The following NBAS variants were observed in gnomAD, a reference collection of about 807,000 sequenced individuals.
The protein encoded by NBAS is NBAS subunit of NRZ tethering complex.
Under a neutral mutation model 302.5 loss-of-function variants are expected in NBAS, and 219 were observed. The observed-to-expected ratio is 0.72, with a 90% CI of 0.65 to 0.81. NBAS has a LOEUF of 0.81. Ranked by LOEUF, NBAS falls within the 30% of genes least tolerant of loss-of-function variation. NBAS has a pLI of 0.00. For synonymous variants in NBAS, 1,118 were observed against 1,021.6 expected, an observed-to-expected ratio of 1.09 and a Z score of -1.80; for missense variants, 2,932 against 2,841.6, an observed-to-expected ratio of 1.03 and a Z score of -0.72.
At chr2:15,452,692 C>A (rs1298938114) in intron 21 of NBAS, among the ~76,000 whole-genome samples, 1 of 151,688 alleles carries the variant, frequency 6.6e-6, no homozygotes, top group African/African-American at 2.4e-5. Context: ...TATGAATGCA[C>A]AAAAAATGTA....
intron 38 of NBAS, among the ~76,000 whole-genome samples, chr2:15,320,348 T>C (rs1273835536): frequency 1.3e-5 from 2 of 152,168 alleles, no homozygotes; most frequent in African/African-American, 4.8e-5. Context: ...AAGACAAGGA[T>C]GCCCTCTCTC....
chr2:15,309,658 C>A (rs948663668), intron 38 of NBAS, among the ~76,000 whole-genome samples: 7 of 152,100 alleles, frequency 4.6e-5, no homozygotes, highest in Non-Finnish European at 1.0e-4. Flanking sequence ...TTTAGGAGTG[C>A]AAATTTAGAG....
the NBAS span, among the ~76,000 whole-genome samples, chr2:14,949,064 T>C: frequency 2.6e-5 from 4 of 152,128 alleles, no homozygotes; most frequent in Non-Finnish European, 5.9e-5. Flanking sequence ...ACTAGACCCC[T>C]ATAACTTGCC....
At chr2:15,524,239 C>T (rs888562137) in intron 9 of NBAS, among the ~76,000 whole-genome samples, 3 of 152,142 alleles carry the variant, frequency 2.0e-5, no homozygotes, top group Non-Finnish European at 4.4e-5. Context: ...TCGGGAGACA[C>T]GTGGTGAATG....
the NBAS span, among the ~76,000 whole-genome samples, chr2:14,863,080 C>T: frequency 6.6e-6 from 1 of 152,236 alleles, no homozygotes; most frequent in African/African-American, 2.4e-5. Context: ...ACATTGTCCT[C>T]TCTGTAGACA....
chr2:15,076,724 G>A, the NBAS span, among the ~76,000 whole-genome samples: 34 of 152,078 alleles, frequency 2.2e-4, no homozygotes, highest in Non-Finnish European at 3.8e-4. Flanking sequence ...GAATATCTCT[G>A]GCTGCCAGTA....
intron 9 of NBAS, among the ~76,000 whole-genome samples, chr2:15,533,677 TGC>T (rs1326917180): frequency 4.6e-5 from 5 of 108,210 alleles, no homozygotes; most frequent in Admixed American, 2.0e-4. Flanking sequence ...TCGGGGGGTG[TGC>T]GTGTGTGTGT....
At chr2:15,389,192 C>A (rs1675466187) in intron 28 of NBAS, among the ~76,000 whole-genome samples, 1 of 152,174 alleles carries the variant, frequency 6.6e-6, no homozygotes, top group South Asian at 2.1e-4. Context: ...AGTAGTTCTC[C>A]AACTCCCAGA....
At chr2:15,057,890 G>A in the NBAS span, among the ~76,000 whole-genome samples, 1 of 152,114 alleles carries the variant, frequency 6.6e-6, no homozygotes, top group Non-Finnish European at 1.5e-5. Flanking sequence ...ACATGCGTGC[G>A]AAATATCTCT....
chr2:15,283,717 T>G (rs544547213), intron 42 of NBAS, among the ~76,000 whole-genome samples: 1 of 152,178 alleles, frequency 6.6e-6, no homozygotes, highest in African/African-American at 2.4e-5. Flanking sequence ...TTTCACAGAT[T>G]TTCTCTAATC....
intron 9 of NBAS, among the ~76,000 whole-genome samples, chr2:15,529,737 C>T (rs994876608): frequency 2.6e-5 from 4 of 152,010 alleles, no homozygotes; most frequent in Non-Finnish European, 4.4e-5. Flanking sequence ...AAAGTCTATC[C>T]CATTTCTAAC....
the NBAS span, among the ~76,000 whole-genome samples, chr2:14,997,175 G>GAGGAGCAGAAA: frequency 1.1e-4 from 16 of 152,282 alleles, no homozygotes; most frequent in Non-Finnish European, 2.9e-5. Flanking sequence ...AGGAGCAGGA[G>GAGGAGCAGAAA]AGGAGCAGAA....
the NBAS span, among the ~76,000 whole-genome samples, chr2:15,031,161 T>G: frequency 6.6e-6 from 1 of 152,154 alleles, no homozygotes; most frequent in Non-Finnish European, 1.5e-5. Context: ...ATAAAGCATC[T>G]CATGGTCATG....
In NBAS at chr2:15,430,908, G is replaced by A. The variant is rs928687880; in HGVS notation, c.2340-3114C>T. ...TGCAACCTCCGTCTCTCAAGTGCAA[G>A]CAATTCTCCTGTCTCAGCCTCCTGA... On this transcript the variant is annotated intron_variant, in intron 21 of 51. Coordinates refer to ENST00000281513, the MANE Select transcript of NBAS (RefSeq NM_015909.4). 9.0e-4 allele frequency among the ~76,000 whole-genome samples: 137 copies of A among 152,034 alleles called. 1 individual carries two copies. Among genetic ancestry groups the A allele is most frequent in the African/African-American group, 3.2e-3 (133 of 41,480 alleles).
At chr2:14,902,922 A>G in the NBAS span, among the ~76,000 whole-genome samples, 92,690 of 152,010 alleles carry the variant, frequency 0.61, 30,605 homozygotes, top group African/African-American at 0.88. Flanking sequence ...TCTGTCAGGG[A>G]ACCAAAGAAT....
chr2:14,841,036 G>C, the NBAS span, among the ~76,000 whole-genome samples: 1 of 151,826 alleles, frequency 6.6e-6, no homozygotes, highest in Admixed American at 6.6e-5. Flanking sequence ...TAAAAATGTA[G>C]GGGGATGGAG....
At chr2:15,255,647 T>TC (rs1181508426) in intron 44 of NBAS, among the ~76,000 whole-genome samples, 1 of 152,180 alleles carries the variant, frequency 6.6e-6, no homozygotes, top group Non-Finnish European at 1.5e-5. Context: ...GAAGAGTTTT[T>TC]CCAACGTTAT....
intron 32 of NBAS, among the ~76,000 whole-genome samples, chr2:15,364,783 A>G (rs1674115695): frequency 6.6e-6 from 1 of 152,066 alleles, no homozygotes; most frequent in Non-Finnish European, 1.5e-5. Flanking sequence ...CCTAGCCACG[A>G]TCTGATGAAA....
the NBAS span, among the ~76,000 whole-genome samples, chr2:14,916,964 G>A: frequency 2.0e-5 from 3 of 152,322 alleles, no homozygotes; most frequent in African/African-American, 4.8e-5. Flanking sequence ...GAAACAACAC[G>A]TGTGCTTTTT....
Sources: allele counts gnomAD v4.1 joint callset (sites outside exome capture counted in the v4.1 genomes callset), GRCh38; gene constraint gnomAD v4.1.1; transcripts MANE v1.5; gene names NCBI Gene and HGNC (gene_info 2026-07-23, HGNC 2026-07-21).